RANBP2: variants seen among roughly 807,000 people sequenced by gnomAD.
RANBP2 encodes the protein E3 SUMO-protein ligase RanBP2.
A neutral mutation model predicts 303.6 loss-of-function variants in RANBP2; 57 were observed. That is an observed-to-expected ratio of 0.19 (90% CI 0.15 to 0.23). The LOEUF (loss-of-function observed/expected upper bound fraction) is 0.23. Among genes scored for constraint, RANBP2 ranks in the 10% least tolerant of loss-of-function variants. The pLI, the probability that RANBP2 is intolerant of heterozygous loss-of-function variation, is 1.00. For synonymous variants in RANBP2, 1,167 were observed against 1,301.5 expected (o/e 0.90, Z 2.23); for missense variants, 3,138 against 3,780.8 (o/e 0.83, Z 4.46).
the RANBP2 span, among the ~76,000 whole-genome samples, chr2:108,967,541 CACA>C: frequency 3.5e-4 from 53 of 152,138 alleles, no homozygotes; most frequent in East Asian, 1.2e-3. Flanking sequence ...CAGTCTTGTG[CACA>C]ACAAGTGACT....
At chr2:109,217,078 G>A in the RANBP2 span, among the ~76,000 whole-genome samples, 2 of 152,136 alleles carry the variant, frequency 1.3e-5, no homozygotes, top group Non-Finnish European at 2.9e-5. Flanking sequence ...TGTCCTCTAG[G>A]CTCATTCATG....
chr2:108,788,786 G>T, downstream of RANBP2: 2 of 1,597,422 alleles, frequency 1.3e-6, no homozygotes, highest in Non-Finnish European at 1.7e-6. Flanking sequence ...TAGACTTATG[G>T]CCAGTGCCAG....
the RANBP2 span, among the ~76,000 whole-genome samples, chr2:108,850,219 A>T: frequency 4.6e-5 from 7 of 152,336 alleles, no homozygotes; most frequent in South Asian, 2.1e-4. Context: ...TCTAGTAAGA[A>T]GATGTTTCCT....
At chr2:109,145,381 C>G in the RANBP2 span, among the ~76,000 whole-genome samples, 1 of 152,194 alleles carries the variant, frequency 6.6e-6, no homozygotes, top group Admixed American at 6.5e-5. Flanking sequence ...GAGCCCTGCC[C>G]CTCTCTTATT....
At chr2:109,732,480 C>CTT in the RANBP2 span, among the ~76,000 whole-genome samples, 1,269 of 138,282 alleles carry the variant, frequency 9.2e-3, 34 homozygotes, top group African/African-American at 0.03. Flanking sequence ...ACACCTTCAT[C>CTT]TTTTTTTTTT....
At chr2:109,489,610 C>T in the RANBP2 span, among the ~76,000 whole-genome samples, 1 of 152,208 alleles carries the variant, frequency 6.6e-6, no homozygotes, top group Non-Finnish European at 1.5e-5. Context: ...TCGGGGATGG[C>T]CCGTCAGCAG....
chr2:108,852,453 T>C, the RANBP2 span, among the ~76,000 whole-genome samples: 1 of 152,236 alleles, frequency 6.6e-6, no homozygotes, highest in Admixed American at 6.5e-5. Flanking sequence ...ATGCATGTGT[T>C]GTGTTCATTG....
chr2:108,818,820 CTT>C, the RANBP2 span, among the ~76,000 whole-genome samples: 1 of 144,582 alleles, frequency 6.9e-6, no homozygotes. Flanking sequence ...AAACTTCTGA[CTT>C]TTTTTTTTTT....
the RANBP2 span, among the ~76,000 whole-genome samples, chr2:109,638,899 T>C: frequency 9.2e-5 from 14 of 152,204 alleles, no homozygotes; most frequent in Non-Finnish European, 2.1e-4. Context: ...ATGATGCTTC[T>C]TGGCATACAT....
the RANBP2 span, among the ~76,000 whole-genome samples, chr2:109,300,640 C>T: frequency 2.6e-5 from 4 of 152,274 alleles, no homozygotes; most frequent in South Asian, 4.1e-4. Flanking sequence ...AGAAACCACT[C>T]GTCCTCCATC....
At chr2:109,273,386 G>A in the RANBP2 span, among the ~76,000 whole-genome samples, 1 of 152,218 alleles carries the variant, frequency 6.6e-6, no homozygotes, top group African/African-American at 2.4e-5. Flanking sequence ...CATGGATGAG[G>A]GGGGAGGCAG....
the RANBP2 span, among the ~76,000 whole-genome samples, chr2:109,117,266 T>C: frequency 6.6e-6 from 1 of 152,238 alleles, no homozygotes; most frequent in African/African-American, 2.4e-5. Flanking sequence ...GCAGGCCTCC[T>C]TGAGCTGTGG....
the RANBP2 span, among the ~76,000 whole-genome samples, chr2:109,426,751 A>G: frequency 6.6e-6 from 1 of 152,188 alleles, no homozygotes; most frequent in Non-Finnish European, 1.5e-5. Context: ...AACAGCATCA[A>G]ATGCTATAGA....
At chr2:109,487,878 G>A in the RANBP2 span, among the ~76,000 whole-genome samples, 7 of 152,186 alleles carry the variant, frequency 4.6e-5, no homozygotes, top group Admixed American at 2.0e-4. Context: ...CGTGCTAGGC[G>A]CTGGTGGGGA....
At chr2:108,837,296 G>T in the RANBP2 span, among the ~76,000 whole-genome samples, 1 of 152,142 alleles carries the variant, frequency 6.6e-6, no homozygotes, top group Non-Finnish European at 1.5e-5. Flanking sequence ...AAATAATCGT[G>T]TGGGTTTTGT....
At chr2:108,804,925 C>T in the RANBP2 span, 2 of 1,565,086 alleles carry the variant, frequency 1.3e-6, no homozygotes, top group South Asian at 2.4e-5. Flanking sequence ...AACCGAAGTT[C>T]TTAAGGAAAA....
the RANBP2 span, among the ~76,000 whole-genome samples, chr2:108,863,294 C>T: frequency 6.6e-6 from 1 of 152,198 alleles, no homozygotes; most frequent in Non-Finnish European, 1.5e-5. Context: ...ACATACATAT[C>T]ATCTGTTTTC....
chr2:109,418,981 C>T, the RANBP2 span, among the ~76,000 whole-genome samples: 12 of 152,220 alleles, frequency 7.9e-5, no homozygotes, highest in Admixed American at 3.9e-4. Context: ...TGATGCTGAC[C>T]GTTCCTCGGG....
Position 108,764,695 on chromosome 2 carries a change from G to A in RANBP2, c.4156G>A (p.Val1386Ile), listed in dbSNP as rs781230028. ...TCTAAACCCAAGCAATAAAGAGCTC[G>A]TTGGCCCACCATTAGCTGAAACTGT... ...QNLNPSNKEL[V>I]GPPLAETVFT... Residue 1386 changes from valine (V) to isoleucine (I), a missense_variant, in exon 20 of 29, where the codon GTT becomes ATT. Val to Ile is a conservative substitution (Grantham distance 29). This residue lies in a region of RANBP2 where 388 missense variants were observed against 328.5 expected (regional missense o/e 1.18). Coordinates refer to ENST00000283195, the MANE Select transcript of RANBP2 (RefSeq NM_006267.5). 34 of 1,613,952 alleles carry A rather than the reference G, an allele frequency of 2.1e-5. No homozygotes were observed. Among genetic ancestry groups the A allele is most frequent in the African/African-American group, 8.0e-5 (6 of 75,012 alleles).
Sources: allele counts gnomAD v4.1 joint callset (sites outside exome capture counted in the v4.1 genomes callset), GRCh38; gene constraint gnomAD v4.1.1; regional missense constraint gnomAD v4.1.1; transcripts MANE v1.5; gene names NCBI Gene and HGNC (gene_info 2026-07-23, HGNC 2026-07-21).